The following C12orf54 variants were observed in gnomAD, a reference collection of about 807,000 sequenced individuals.
C12orf54 encodes uncharacterized protein C12orf54.
Under a neutral mutation model 26.4 loss-of-function variants are expected in C12orf54, and 24 were observed. The observed-to-expected ratio is 0.91, with a 90% CI of 0.66 to 1.28. C12orf54 has a LOEUF of 1.28. Among genes scored for constraint, C12orf54 ranks in the 50% most tolerant of loss-of-function variants. C12orf54 has a pLI of 0.00. For missense variants in C12orf54, 154 were observed against 150.9 expected, an observed-to-expected ratio of 1.02 and a Z score of -0.11; for synonymous variants, 54 against 47.0, an observed-to-expected ratio of 1.15 and a Z score of -0.61.
the C12orf54 span, among the ~76,000 whole-genome samples, chr12:48,469,871 C>T: frequency 2.0e-5 from 3 of 152,232 alleles, no homozygotes; most frequent in East Asian, 5.8e-4. Context: ...CTAGTTGTCC[C>T]CAACATCTGT....
At position 48,486,097 on chromosome 12, in the gene C12orf54, G is replaced by A. The variant is rs936301403; in HGVS notation, c.66-81G>A. On this transcript the variant is annotated intron_variant, in intron 2 of 8. Coordinates refer to ENST00000548364, the MANE Select transcript of C12orf54 (RefSeq NM_152319.4). Reference sequence around the variant, plus strand: ...TAGAAACTTCAAGAATTCCTGCTAGGAGTGATAGAATAGAGTTAGGAGAAG... The same window carrying A: ...TAGAAACTTCAAGAATTCCTGCTAGAAGTGATAGAATAGAGTTAGGAGAAG... 1.1e-5 allele frequency: 15 copies of A among 1,338,140 alleles called. No individual in the cohort carries two copies. In the East Asian group the frequency reaches 3.0e-4, roughly 27 times the overall value. The allele number at this position is 1,338,140 out of a possible 1,614,324, so 82.9% of individuals were successfully genotyped here.
chr12:48,423,755 G>C, the C12orf54 span, among the ~76,000 whole-genome samples: 1 of 151,938 alleles, frequency 6.6e-6, no homozygotes, highest in Admixed American at 6.6e-5. Flanking sequence ...ACTAACATTT[G>C]TAAATTTCTT....
chr12:48,433,978 G>C, the C12orf54 span, among the ~76,000 whole-genome samples: 2 of 152,078 alleles, frequency 1.3e-5, no homozygotes, highest in South Asian at 4.1e-4. Context: ...ACCTCACCCC[G>C]GAAGCATAAG....
the C12orf54 span, among the ~76,000 whole-genome samples, chr12:48,468,341 A>C: frequency 6.6e-6 from 1 of 152,200 alleles, no homozygotes; most frequent in African/African-American, 2.4e-5. Context: ...GTGTGACTAA[A>C]GCAGAATGGA....
intron 7 of C12orf54, 64 bp from the exon 8 acceptor site, chr12:48,494,734 G>T: frequency 6.5e-7 from 1 of 1,538,756 alleles, no homozygotes; most frequent in Non-Finnish European, 8.9e-7. Context: ...TGGAGGCCAG[G>T]AAGGGAACTG....
intron 8 of C12orf54, among the ~76,000 whole-genome samples, chr12:48,495,288 A>G (rs1446876049): frequency 6.6e-6 from 1 of 152,172 alleles, no homozygotes; most frequent in African/African-American, 2.4e-5. Flanking sequence ...TCAGGGACAG[A>G]CAATTGTTGG....
At chr12:48,477,034 A>G in the C12orf54 span, among the ~76,000 whole-genome samples, 1 of 152,242 alleles carries the variant, frequency 6.6e-6, no homozygotes, top group Admixed American at 6.5e-5. Flanking sequence ...AACAGAAATA[A>G]TAACAAACTA....
the C12orf54 span, among the ~76,000 whole-genome samples, chr12:48,422,707 G>A: frequency 6.6e-6 from 1 of 152,172 alleles, no homozygotes; most frequent in Non-Finnish European, 1.5e-5. Context: ...TGAAGAGATT[G>A]AGAAACAATG....
At chr12:48,430,314 T>C in the C12orf54 span, among the ~76,000 whole-genome samples, 4 of 152,114 alleles carry the variant, frequency 2.6e-5, no homozygotes, top group African/African-American at 9.7e-5. Flanking sequence ...GGGACTTAAT[T>C]AAACTAAAGA....
chr12:48,487,193 T>C lies in C12orf54; in HGVS notation c.135+467T>C, dbSNP rs547002263. 2.0e-5 allele frequency among the ~76,000 whole-genome samples: 3 copies of C among 152,186 alleles called. No individual in the cohort carries two copies. In the South Asian group the frequency reaches 6.2e-4, roughly 32 times the overall value. On this transcript the variant is annotated intron_variant, in intron 4 of 8. Transcript: ENST00000548364. ...ATAGAACACAGACATTTACTTGGAG[T>C]TTCTAAGAGGTCTTCACATAAATAC...
the C12orf54 span, among the ~76,000 whole-genome samples, chr12:48,464,743 T>C: frequency 1.3e-5 from 2 of 151,930 alleles, no homozygotes; most frequent in Non-Finnish European, 2.9e-5. Context: ...TAGAACAGAA[T>C]AGAGAACTCA....
the C12orf54 span, among the ~76,000 whole-genome samples, chr12:48,476,956 C>A: frequency 1.4e-3 from 218 of 152,292 alleles, no homozygotes; most frequent in African/African-American, 4.8e-3. Context: ...CTTTTCAGCA[C>A]CACACCACAC....
chr12:48,422,265 T>A, the C12orf54 span, among the ~76,000 whole-genome samples: 2 of 152,232 alleles, frequency 1.3e-5, no homozygotes, highest in African/African-American at 4.8e-5. Flanking sequence ...TTGCTACTGC[T>A]GACTGCAGGA....
chr12:48,440,254 G>C, the C12orf54 span, among the ~76,000 whole-genome samples: 1 of 152,016 alleles, frequency 6.6e-6, no homozygotes, highest in African/African-American at 2.4e-5. Flanking sequence ...TTCTTGAGAA[G>C]GTAGTAAAGA....
At chr12:48,480,727 A>C (rs1954189919), upstream of C12orf54, among the ~76,000 whole-genome samples, 1 of 152,044 alleles carries the variant, frequency 6.6e-6, no homozygotes, top group Non-Finnish European at 1.5e-5. Context: ...AAGGAAAATT[A>C]ATCATTCTAA....
At chr12:48,494,419 A>G (rs1312093183) in intron 7 of C12orf54, among the ~76,000 whole-genome samples, 1 of 152,184 alleles carries the variant, frequency 6.6e-6, no homozygotes, top group East Asian at 1.9e-4. Context: ...GAATAAATGA[A>G]AAGTGATTTC....
chr12:48,490,163 G>A (rs1169911400), intron 5 of C12orf54, among the ~76,000 whole-genome samples: 1 of 152,204 alleles, frequency 6.6e-6, no homozygotes. Flanking sequence ...AAGATGTGAG[G>A]CCTTGGTATG....
At chr12:48,486,376 C>G (rs550936506) in intron 3 of C12orf54, 168 bp downstream of exon 3, 31 of 667,626 alleles carry the variant, frequency 4.6e-5, no homozygotes, top group Non-Finnish European at 7.8e-5. Flanking sequence ...AACCAGGTAA[C>G]GTCTCCAATG....
chr12:48,491,180 T>A (rs920026124), intron 6 of C12orf54, among the ~76,000 whole-genome samples: 1 of 152,224 alleles, frequency 6.6e-6, no homozygotes, highest in African/African-American at 2.4e-5. Flanking sequence ...CAGAAATTTA[T>A]TTCCCACAGT....
Sources: gnomAD v4.1 joint callset for allele counts (sites outside exome capture counted in the v4.1 genomes callset) on GRCh38, gnomAD v4.1.1 for gene constraint, MANE v1.5 for transcripts, NCBI Gene and HGNC (gene_info 2026-07-23, HGNC 2026-07-21) for gene names.